The following ATP2C1 variants were observed in gnomAD, a reference collection of about 807,000 sequenced individuals.
The protein encoded by ATP2C1 is ATPase secretory pathway Ca2+ transporting 1, also known as calcium-transporting ATPase type 2C member 1.
A neutral mutation model predicts 120.5 loss-of-function variants in ATP2C1; 31 were observed. That is an observed-to-expected ratio of 0.26 (90% confidence interval 0.19 to 0.35). ATP2C1 has a LOEUF of 0.35. Ranked by LOEUF, ATP2C1 falls within the 10% of genes least tolerant of loss-of-function variation. ATP2C1 has a pLI of 1.00. For synonymous variants in ATP2C1, 351 were observed against 358.7 expected, an observed-to-expected ratio of 0.98 and a Z score of 0.24; for missense variants, 731 against 1,107.5, an observed-to-expected ratio of 0.66 and a Z score of 4.83.
chr3:131,002,124 A>C lies in ATP2C1; in HGVS notation c.*774A>C. 3 of 985,212 alleles carry C rather than the reference A, an allele frequency of 3.0e-6. No individual in the cohort carries two copies. The highest frequency in any genetic ancestry group is 3.6e-6 in the Non-Finnish European group (3 of 829,652). 61.0% of individuals were successfully genotyped at this position (985,212 alleles called of 1,614,324 possible). Reference sequence around the variant, plus strand: ...AATTAACGCTTAGTCATAGAGTCAAAAACATTTAAGACTGATTGGGTTGAA... The same window carrying C: ...AATTAACGCTTAGTCATAGAGTCAACAACATTTAAGACTGATTGGGTTGAA... On this transcript the variant is annotated 3_prime_UTR_variant, in exon 28 of 28. Transcript: ENST00000510168.
At chr3:130,937,337 G>T in intron 5 of ATP2C1, 91 bp from the exon 6 acceptor site, 1 of 1,055,948 alleles carries the variant, frequency 9.5e-7, no homozygotes, top group East Asian at 2.4e-5. Flanking sequence ...ATCTGTTATT[G>T]TGGGACTGCA....
At chr3:130,981,354 C>A (rs1426837964) in intron 20 of ATP2C1, among the ~76,000 whole-genome samples, 1 of 152,060 alleles carries the variant, frequency 6.6e-6, no homozygotes, top group African/African-American at 2.4e-5. Flanking sequence ...TGACATTTAT[C>A]TATGTTGGTT....
At chr3:130,928,235 T>G (rs533996939) in intron 2 of ATP2C1, 11 of 152,460 alleles carry the variant, frequency 7.2e-5, no homozygotes, top group Admixed American at 3.9e-4. Flanking sequence ...CTCCTCCACT[T>G]GTGAACACAC....
At chr3:130,938,406 A>G (rs1193775692) in intron 6 of ATP2C1, among the ~76,000 whole-genome samples, 1 of 152,210 alleles carries the variant, frequency 6.6e-6, no homozygotes, top group East Asian at 1.9e-4. Flanking sequence ...TTGAATCTGA[A>G]GCCTATACTT....
chr3:130,957,324 C>T (rs2060624311), intron 11 of ATP2C1, among the ~76,000 whole-genome samples: 1 of 152,064 alleles, frequency 6.6e-6, no homozygotes, highest in African/African-American at 2.4e-5. Flanking sequence ...TGACATTTTA[C>T]TATTTTATTT....
chr3:130,999,657 T>G lies in ATP2C1; in HGVS notation c.2627T>G (p.Leu876Arg), dbSNP rs2062795442. ...KVFQTESLSI[L>R]DLLFLLGLTS... The stretch of plus-strand genomic sequence containing the variant: ...TTTCAGACTGAGAGCCTAAGCATAC[T>G]GGGTAAAGAAAACGTTATCTTTATC... Residue 876 changes from leucine (L) to arginine (R), a missense_variant and splice_region_variant, in exon 27 of 28, where the codon CTG becomes CGG. Leu to Arg is a moderately radical substitution (Grantham distance 102). Transcript: ENST00000510168. The G allele has an allele frequency of 1.2e-6, 2 of 1,611,096 alleles. No homozygotes were observed. The highest frequency in any genetic ancestry group is 2.7e-5 in the African/African-American group (2 of 74,868).
At chr3:130,994,164 T>C (rs1012377757) in intron 22 of ATP2C1, 66 bp downstream of exon 22, 4 of 1,576,110 alleles carry the variant, frequency 2.5e-6, no homozygotes, top group East Asian at 4.5e-5. Context: ...CCCCCACCCC[T>C]AGAGAATTCA....
At chr3:130,989,261 A>C (rs2062183251) in intron 20 of ATP2C1, among the ~76,000 whole-genome samples, 1 of 141,510 alleles carries the variant, frequency 7.1e-6, no homozygotes, top group African/African-American at 2.7e-5. Context: ...AAAAAAAAAA[A>C]CAAAAAAACA....
At chr3:130,952,664 TAGTC>T (rs1262692382) in intron 8 of ATP2C1, among the ~76,000 whole-genome samples, 1 of 152,180 alleles carries the variant, frequency 6.6e-6, no homozygotes, top group Non-Finnish European at 1.5e-5. Context: ...CTAACACTGA[TAGTC>T]AGTAAATGTT....
intron 26 of ATP2C1, among the ~76,000 whole-genome samples, chr3:131,012,621 A>C (rs563589574): frequency 7.0e-4 from 107 of 152,202 alleles, no homozygotes; most frequent in African/African-American, 2.3e-3. Context: ...TCTTCTCAAA[A>C]ATAGATGTAC....
intron 1 of ATP2C1, among the ~76,000 whole-genome samples, chr3:130,881,975 T>C (rs1305155031): frequency 6.6e-6 from 1 of 152,234 alleles, no homozygotes; most frequent in Admixed American, 6.5e-5. Context: ...GTTTTTCCAA[T>C]ATATAGTCAT....
At chr3:130,879,778 C>T (rs995135115) in intron 1 of ATP2C1, among the ~76,000 whole-genome samples, 1 of 152,086 alleles carries the variant, frequency 6.6e-6, no homozygotes, top group Non-Finnish European at 1.5e-5. Context: ...TGCGATAGTA[C>T]AGTCTCTGTA....
Position 130,894,365 on chromosome 3 carries a change from C to A in ATP2C1, c.-181+28C>A. ...GGGTACCAGTATTACCTCCTGCCCC[C>A]ATTTCTAGAAACTTCCAGGTTCTGA... is the stretch of plus-strand genomic sequence containing the variant. On this transcript the variant is annotated intron_variant, in intron 1 of 27. Coordinates refer to ENST00000510168, the MANE Select transcript of ATP2C1 (RefSeq NM_001378687.1). The surrounding 1 kb of genome is among the most constrained non-coding windows in gnomAD (Gnocchi z 4.5). 1 of 1,099,718 alleles carries A rather than the reference C, an allele frequency of 9.1e-7. No individual in the cohort carries two copies. Among genetic ancestry groups the A allele is most frequent in the Non-Finnish European group, 1.1e-6 (1 of 895,726 alleles). 68.1% of individuals were successfully genotyped at this position (1,099,718 alleles called of 1,614,324 possible).
chr3:130,957,786 C>G (rs1423298944), intron 11 of ATP2C1, among the ~76,000 whole-genome samples: 1 of 152,092 alleles, frequency 6.6e-6, no homozygotes, highest in African/African-American at 2.4e-5. Context: ...CTCCTGAACT[C>G]ATGTGATTGC....
chr3:130,953,924 C>T lies in ATP2C1; in HGVS notation c.635C>T (p.Ser212Leu), dbSNP rs200427297. Residue 212 changes from serine (S) to leucine (L), a missense_variant, in exon 9 of 28, where the codon TCG becomes TTG. Transcript: ENST00000510168. ...QPAATNGDLASRSNIAFMGTL... is the reference protein window; with the variant it reads ...QPAATNGDLALRSNIAFMGTL... ...GCTGCAACTAATGGAGATCTTGCAT[C>T]GAGAAGTAACATTGCCTTTATGGGA... 46 of 1,614,010 alleles carry T rather than the reference C, an allele frequency of 2.9e-5. No individual in the cohort carries two copies. The highest frequency in any genetic ancestry group is 8.3e-5 in the Admixed American group (5 of 59,996).
chr3:130,987,573 C>T (rs973883960), intron 20 of ATP2C1, among the ~76,000 whole-genome samples: 3 of 152,206 alleles, frequency 2.0e-5, no homozygotes, highest in African/African-American at 4.8e-5. Context: ...TCAAGTGATC[C>T]TCCTACCTTG....
At chr3:130,996,652 A>G (rs371805749) in intron 23 of ATP2C1, 28 bp from the exon 24 acceptor site, 53 of 1,423,432 alleles carry the variant, frequency 3.7e-5, no homozygotes, top group Middle Eastern at 1.8e-4. Context: ...CTCTACTGAT[A>G]TTTTTAAATG....
downstream of ATP2C1, among the ~76,000 whole-genome samples, chr3:131,005,109 C>CTTTT (rs35129703): frequency 4.4e-4 from 41 of 92,618 alleles, no homozygotes; most frequent in African/African-American, 1.2e-3. Flanking sequence ...TTTGAATTGT[C>CTTTT]TTTTTTTTTT....
intron 4 of ATP2C1, among the ~76,000 whole-genome samples, chr3:130,933,638 T>G (rs905727591): frequency 6.6e-6 from 1 of 152,206 alleles, no homozygotes; most frequent in African/African-American, 2.4e-5. Context: ...CAGTTTAACT[T>G]ATTATTTTTT....
Sources: allele counts gnomAD v4.1 joint callset (sites outside exome capture counted in the v4.1 genomes callset), GRCh38; gene constraint gnomAD v4.1.1; non-coding constraint Gnocchi (gnomAD v3.1); transcripts MANE v1.5; gene names NCBI Gene and HGNC (gene_info 2026-07-23, HGNC 2026-07-21).